Variants in KCND3 observed in about 807,000 individuals in gnomAD.
KCND3 encodes the protein potassium voltage-gated channel subfamily D member 3, also known as A-type voltage-gated potassium channel KCND3.
KCND3 carries 9 observed loss-of-function variants against 51.1 expected under a neutral mutation model. That is an observed-to-expected ratio of 0.18 (90% CI 0.11 to 0.31). KCND3 has a LOEUF of 0.31. Among genes scored for constraint, KCND3 ranks in the 10% least tolerant of loss-of-function variants. The pLI, the probability that KCND3 is intolerant of heterozygous loss-of-function variation, is 1.00. For missense variants in KCND3, 526 were observed against 903.8 expected, an observed-to-expected ratio of 0.58 and a Z score of 5.36; for synonymous variants, 349 against 368.0, an observed-to-expected ratio of 0.95 and a Z score of 0.59.
chr1:111,914,004 C>T (rs944523585), intron 2 of KCND3, among the ~76,000 whole-genome samples: 2 of 151,842 alleles, frequency 1.3e-5, no homozygotes, highest in African/African-American at 4.8e-5. Context: ...TCAGAAATGC[C>T]AGAGATAATG....
chr1:111,834,782 G>A (rs1449539246), intron 2 of KCND3, among the ~76,000 whole-genome samples: 1 of 152,212 alleles, frequency 6.6e-6, no homozygotes. Context: ...TTTTATAAGG[G>A]ATGATCCTGC....
intron 2 of KCND3, among the ~76,000 whole-genome samples, chr1:111,970,421 G>A (rs1029629679): frequency 3.3e-5 from 5 of 152,218 alleles, no homozygotes; most frequent in African/African-American, 1.2e-4. Context: ...CACAACATTT[G>A]TTGAATAAAC....
In KCND3 at chr1:111,814,704, T is replaced by G. The variant is rs112906922; in HGVS notation, c.1107-27598A>C. ...AAGATCTGCTTTAGGAGCCTGAAAG[T>G]TATTGCCAGAAAACTGATACTGACA... On this transcript the variant is annotated intron_variant, in intron 2 of 7. Coordinates refer to ENST00000302127, the MANE Select transcript of KCND3 (RefSeq NM_001378969.1). 2.7e-3 allele frequency among the ~76,000 whole-genome samples: 417 copies of G among 152,328 alleles called. 3 individuals are homozygous for G. The highest frequency in any genetic ancestry group is 9.5e-3 in the African/African-American group (393 of 41,580).
intron 2 of KCND3, among the ~76,000 whole-genome samples, chr1:111,792,798 G>C (rs1315978651): frequency 6.6e-6 from 1 of 151,272 alleles, no homozygotes; most frequent in Admixed American, 6.6e-5. Context: ...ATAAACCCAG[G>C]GTCCAGACCA....
intron 2 of KCND3, among the ~76,000 whole-genome samples, chr1:111,971,080 G>A (rs1227833329): frequency 6.6e-6 from 1 of 152,132 alleles, no homozygotes; most frequent in Non-Finnish European, 1.5e-5. Context: ...GGCACTGCAA[G>A]AACCAGGACA....
intron 2 of KCND3, among the ~76,000 whole-genome samples, chr1:111,864,516 G>A (rs1315103043): frequency 1.3e-5 from 2 of 152,222 alleles, no homozygotes; most frequent in Admixed American, 6.5e-5. Flanking sequence ...CTTAAGGGCT[G>A]TAGTGCCATT....
intron 2 of KCND3, among the ~76,000 whole-genome samples, chr1:111,919,670 G>A (rs918034715): frequency 1.3e-5 from 2 of 152,176 alleles, no homozygotes; most frequent in African/African-American, 4.8e-5. Flanking sequence ...TGTCCCCGAA[G>A]CAGGCTGGGC....
intron 2 of KCND3, among the ~76,000 whole-genome samples, chr1:111,863,590 C>G (rs958203191): frequency 6.6e-6 from 1 of 152,144 alleles, no homozygotes; most frequent in Non-Finnish European, 1.5e-5. Context: ...CCGATTTGCT[C>G]TGGCAGAGTT....
chr1:111,969,958 C>T (rs1458757671), intron 2 of KCND3, among the ~76,000 whole-genome samples: 1 of 152,168 alleles, frequency 6.6e-6, no homozygotes, highest in Non-Finnish European at 1.5e-5. Flanking sequence ...CACTGTCTCT[C>T]CTCTTACCAG....
At chr1:111,940,113 T>G (rs1383360241) in intron 2 of KCND3, among the ~76,000 whole-genome samples, 1 of 141,114 alleles carries the variant, frequency 7.1e-6, no homozygotes, top group Non-Finnish European at 1.5e-5. Context: ...TCCTTGTAGA[T>G]TCTGGATATT....
At chr1:111,871,585 G>A (rs890374773) in intron 2 of KCND3, among the ~76,000 whole-genome samples, 2 of 152,172 alleles carry the variant, frequency 1.3e-5, no homozygotes, top group Admixed American at 6.5e-5. Flanking sequence ...GAATGAAGGT[G>A]GAGACACAAA....
intron 2 of KCND3, among the ~76,000 whole-genome samples, chr1:111,904,672 G>A (rs1274544103): frequency 1.3e-5 from 2 of 152,202 alleles, no homozygotes; most frequent in South Asian, 2.1e-4. Flanking sequence ...GGGCACAGGC[G>A]AGAATCGATG....
chr1:111,941,983 G>A (rs1557734575), intron 2 of KCND3, among the ~76,000 whole-genome samples: 1 of 152,174 alleles, frequency 6.6e-6, no homozygotes, highest in African/African-American at 2.4e-5. Context: ...GCACGGGGCT[G>A]CTGCTTTTCA....
chr1:111,796,983 T>G (rs1665082827), intron 2 of KCND3, among the ~76,000 whole-genome samples: 3 of 152,194 alleles, frequency 2.0e-5, no homozygotes, highest in Admixed American at 6.5e-5. Flanking sequence ...GTGGCAATAA[T>G]CTTGTCTTGC....
intron 2 of KCND3, among the ~76,000 whole-genome samples, chr1:111,846,924 AC>A (rs1667576031): frequency 2.0e-5 from 3 of 152,196 alleles, no homozygotes; most frequent in Non-Finnish European, 4.4e-5. Flanking sequence ...GCACGGTAGT[AC>A]CTGTGTTCTC....
chr1:111,842,967 T>A (rs890149052), intron 2 of KCND3, among the ~76,000 whole-genome samples: 6 of 152,222 alleles, frequency 3.9e-5, no homozygotes, highest in Admixed American at 3.3e-4. Context: ...ATTTTTGGCA[T>A]GGTTAGCATC....
chr1:111,908,714 A>C (rs1011235173), intron 2 of KCND3, among the ~76,000 whole-genome samples: 2 of 152,084 alleles, frequency 1.3e-5, no homozygotes, highest in Non-Finnish European at 2.9e-5. Context: ...TCCTTGACTT[A>C]ATTCAACACT....
intron 2 of KCND3, chr1:111,856,751 G>A (rs545709249): frequency 6.6e-6 from 1 of 152,602 alleles, no homozygotes; most frequent in South Asian, 2.1e-4. Flanking sequence ...TAGGTGTCAA[G>A]GTGTGCAAAG....
At chr1:111,837,020 G>A (rs538929562) in intron 2 of KCND3, among the ~76,000 whole-genome samples, 1 of 152,320 alleles carries the variant, frequency 6.6e-6, no homozygotes, top group African/African-American at 2.4e-5. Context: ...ACCAACATAT[G>A]TTTATTAACC....
Sources: gnomAD v4.1 joint callset for allele counts (sites outside exome capture counted in the v4.1 genomes callset) on GRCh38, gnomAD v4.1.1 for gene constraint, MANE v1.5 for transcripts, NCBI Gene and HGNC (gene_info 2026-07-23, HGNC 2026-07-21) for gene names.